ADAMTSL3: variants seen among roughly 807,000 people sequenced by gnomAD.
The protein encoded by ADAMTSL3 is ADAMTS like 3.
ADAMTSL3 carries 128 observed loss-of-function variants against 201.7 expected under a neutral mutation model. The observed-to-expected ratio is 0.63, with a 90% CI of 0.55 to 0.73. ADAMTSL3 has a LOEUF of 0.73. Ranked by LOEUF, ADAMTSL3 falls within the 30% of genes least tolerant of loss-of-function variation. ADAMTSL3 has a pLI of 0.00. For synonymous variants in ADAMTSL3, 738 were observed against 748.4 expected (o/e 0.99, Z 0.23); for missense variants, 1,990 against 2,119.6 (o/e 0.94, Z 1.20).
At chr15:83,944,348 C>T (rs2066617003) in intron 19 of ADAMTSL3, among the ~76,000 whole-genome samples, 7 of 152,132 alleles carry the variant, frequency 4.6e-5, no homozygotes, top group Admixed American at 4.6e-4. Flanking sequence ...TTCCAAAACA[C>T]ATAATTAGTT....
chr15:83,879,431 T>A (rs1039690332), intron 9 of ADAMTSL3, among the ~76,000 whole-genome samples: 1 of 152,170 alleles, frequency 6.6e-6, no homozygotes, highest in Non-Finnish European at 1.5e-5. Flanking sequence ...AATTTAATAA[T>A]TTTGATATGA....
chr15:84,032,592 A>G (rs1223909910), intron 28 of ADAMTSL3, among the ~76,000 whole-genome samples: 1 of 152,238 alleles, frequency 6.6e-6, no homozygotes, highest in Admixed American at 6.5e-5. Flanking sequence ...CATGGGTCAC[A>G]TACATATTTT....
At chr15:83,793,129 A>C (rs2063368764) in intron 4 of ADAMTSL3, among the ~76,000 whole-genome samples, 1 of 152,228 alleles carries the variant, frequency 6.6e-6, no homozygotes, top group African/African-American at 2.4e-5. Context: ...AGACGCTAAA[A>C]AAGTTGATCT....
At chr15:83,996,978 C>A (rs1176239508) in intron 23 of ADAMTSL3, among the ~76,000 whole-genome samples, 2 of 151,984 alleles carry the variant, frequency 1.3e-5, no homozygotes, top group Non-Finnish European at 2.9e-5. Flanking sequence ...GTTGGCACTA[C>A]CAAGGGTTGG....
At chr15:83,898,166 G>A (rs925069591) in intron 14 of ADAMTSL3, among the ~76,000 whole-genome samples, 161 bp downstream of exon 14, 3 of 152,074 alleles carry the variant, frequency 2.0e-5, no homozygotes, top group Non-Finnish European at 2.9e-5. Flanking sequence ...TTAGATATAT[G>A]TGAATTATTC....
chr15:83,921,522 G>A (rs1470498246), intron 16 of ADAMTSL3, among the ~76,000 whole-genome samples: 1 of 152,156 alleles, frequency 6.6e-6, no homozygotes, highest in East Asian at 1.9e-4. Context: ...GTATGTGTGT[G>A]TTATGTTATT....
intron 3 of ADAMTSL3, among the ~76,000 whole-genome samples, chr15:83,714,785 T>TTCTCTC (rs1411016187): frequency 9.9e-6 from 1 of 101,322 alleles, no homozygotes; most frequent in African/African-American, 3.5e-5. Flanking sequence ...CTTTCTTTCT[T>TTCTCTC]TTTCTTTCTC....
intron 3 of ADAMTSL3, among the ~76,000 whole-genome samples, chr15:83,727,001 A>G (rs561594423): frequency 2.0e-5 from 3 of 152,008 alleles, no homozygotes; most frequent in South Asian, 2.1e-4. Flanking sequence ...GGTAGAATTC[A>G]GTAGTGAAGC....
intron 6 of ADAMTSL3, among the ~76,000 whole-genome samples, chr15:83,827,391 T>A (rs951425914): frequency 1.7e-4 from 26 of 152,156 alleles, no homozygotes; most frequent in African/African-American, 5.3e-4. Context: ...TTTTGAGTTC[T>A]TTGTAGATTC....
At chr15:83,865,986 G>A (rs1409983909) in intron 8 of ADAMTSL3, among the ~76,000 whole-genome samples, 1 of 152,190 alleles carries the variant, frequency 6.6e-6, no homozygotes, top group Non-Finnish European at 1.5e-5. Flanking sequence ...AGACATTTAT[G>A]CAGCCAAAAG....
At chr15:83,896,206 G>C (rs561821159) in intron 13 of ADAMTSL3, among the ~76,000 whole-genome samples, 2 of 150,688 alleles carry the variant, frequency 1.3e-5, no homozygotes, top group South Asian at 2.1e-4. Flanking sequence ...GAAGTGGGTC[G>C]GGAGGATTCA....
intron 21 of ADAMTSL3, among the ~76,000 whole-genome samples, chr15:83,987,764 C>A (rs1273930560): frequency 2.6e-5 from 4 of 151,964 alleles, no homozygotes; most frequent in African/African-American, 9.7e-5. Flanking sequence ...CATGAAGTGA[C>A]AGGAAATAAA....
chr15:84,021,132 C>G (rs1018928026), intron 25 of ADAMTSL3, among the ~76,000 whole-genome samples: 1 of 152,148 alleles, frequency 6.6e-6, no homozygotes, highest in African/African-American at 2.4e-5. Context: ...TCCTCTCTCT[C>G]TGGGATTTTT....
chr15:83,716,267 C>T (rs781748213), intron 3 of ADAMTSL3, among the ~76,000 whole-genome samples: 12 of 152,074 alleles, frequency 7.9e-5, no homozygotes, highest in Non-Finnish European at 1.5e-4. Flanking sequence ...CTTTGGGAGG[C>T]CAAGGTGGGA....
At chr15:83,843,251 TAA>T (rs5814163) in intron 7 of ADAMTSL3, among the ~76,000 whole-genome samples, 7 of 151,506 alleles carry the variant, frequency 4.6e-5, no homozygotes, top group Admixed American at 3.3e-4. Context: ...TCCTTTTTTT[TAA>T]AAAAAATCAA....
chr15:83,901,965 C>A (rs2065733190), intron 15 of ADAMTSL3, among the ~76,000 whole-genome samples: 1 of 152,196 alleles, frequency 6.6e-6, no homozygotes, highest in Admixed American at 6.5e-5. Flanking sequence ...TCTGTATGTC[C>A]TCTTTTGGGT....
Position 83,942,812 on chromosome 15 carries a change from G to A in ADAMTSL3, c.2310+24G>A, listed in dbSNP as rs754008234. ...AGGTAGGGCAGACTGGCCACTCCAGGGCCCTCTGTGATTATGACTGTGAGA... is the reference window on the plus strand; with the variant it reads ...AGGTAGGGCAGACTGGCCACTCCAGAGCCCTCTGTGATTATGACTGTGAGA... On this transcript the variant is annotated intron_variant, in intron 18 of 29. Coordinates refer to ENST00000286744, the MANE Select transcript of ADAMTSL3 (RefSeq NM_207517.3). 16 of 1,610,108 alleles carry A rather than the reference G, an allele frequency of 9.9e-6. 1 individual carries two copies. The Middle Eastern group carries it at 5.0e-4, about 50-fold the overall frequency.
At chr15:83,719,993 G>A (rs2062075508) in intron 3 of ADAMTSL3, among the ~76,000 whole-genome samples, 1 of 152,156 alleles carries the variant, frequency 6.6e-6, no homozygotes, top group Admixed American at 6.5e-5. Flanking sequence ...GCCGAGGTGG[G>A]CAGATCACTT....
At chr15:83,789,262 A>T (rs958029831) in intron 4 of ADAMTSL3, among the ~76,000 whole-genome samples, 4 of 151,746 alleles carry the variant, frequency 2.6e-5, no homozygotes, top group Non-Finnish European at 5.9e-5. Flanking sequence ...CTATACATAT[A>T]TTTTTTCCTG....
Sources: allele counts gnomAD v4.1 joint callset (sites outside exome capture counted in the v4.1 genomes callset), GRCh38; gene constraint gnomAD v4.1.1; transcripts MANE v1.5; gene names NCBI Gene and HGNC (gene_info 2026-07-23, HGNC 2026-07-21).